The following MCUB variants were observed in gnomAD, a reference collection of about 807,000 sequenced individuals.
MCUB encodes the protein mitochondrial calcium uniporter dominant negative subunit beta.
MCUB carries 46 observed loss-of-function variants against 41.4 expected under a neutral mutation model. The ratio of observed to expected loss-of-function variants is 1.11; its 90% confidence interval spans 0.88 to 1.42. The LOEUF is 1.42. MCUB is among the 40% of genes most tolerant of loss of function. The pLI is 0.00. For missense variants in MCUB, 403 were observed against 404.9 expected (o/e 1.00, Z 0.04); for synonymous variants, 148 against 148.2 (o/e 1.00, Z 0.01).
chr4:109,687,365 A>G (rs1428110624), intron 7 of MCUB, 150 bp from the exon 8 acceptor site: 6 of 549,102 alleles, frequency 1.1e-5, no homozygotes, highest in Admixed American at 3.6e-5. Flanking sequence ...TCTCAAGAAA[A>G]ATATATATAT....
chr4:109,684,290 C>A (rs926291412), intron 5 of MCUB, 153 bp from the exon 6 acceptor site: 1 of 555,072 alleles, frequency 1.8e-6, no homozygotes, highest in East Asian at 3.1e-5. Flanking sequence ...TCTCGATCTC[C>A]TGACCTCGTG....
At chr4:109,579,281 C>G (rs1406176730) in intron 1 of MCUB, among the ~76,000 whole-genome samples, 2 of 150,290 alleles carry the variant, frequency 1.3e-5, no homozygotes, top group African/African-American at 4.9e-5. Context: ...GACGGAGTCT[C>G]GCTCTGTCAC....
chr4:109,585,809 G>T (rs187417057), intron 1 of MCUB, among the ~76,000 whole-genome samples: 2 of 152,316 alleles, frequency 1.3e-5, no homozygotes, highest in Non-Finnish European at 2.9e-5. Flanking sequence ...AGTTTCTGCC[G>T]AGAGATCGGC....
chr4:109,667,093 T>C (rs1438827570), intron 4 of MCUB, among the ~76,000 whole-genome samples: 6 of 152,174 alleles, frequency 3.9e-5, no homozygotes, highest in Non-Finnish European at 2.9e-5. Context: ...AAGGTAATGC[T>C]GGCCTCATAG....
chr4:109,647,542 T>C (rs1349929549), intron 1 of MCUB, among the ~76,000 whole-genome samples: 1 of 152,210 alleles, frequency 6.6e-6, no homozygotes, highest in Non-Finnish European at 1.5e-5. Context: ...TGAATAATAT[T>C]CCATTATTTA....
In MCUB at chr4:109,684,403, T is replaced by C. The variant is rs17040722; in HGVS notation, c.613-40T>C. 1.1e-3 allele frequency: 1,640 copies of C among 1,499,986 alleles called. 11 individuals are homozygous for C. In the African/African-American group the frequency reaches 0.019, roughly 17 times the overall value. 92.9% of individuals were successfully genotyped at this position (1,499,986 alleles called of 1,614,324 possible). Reference sequence around the variant, plus strand: ...TTGCTTTTTGTCCCTTTAGTTGGTGTATTTGTAAACAGAATTAACAGTTTT... The same window carrying C: ...TTGCTTTTTGTCCCTTTAGTTGGTGCATTTGTAAACAGAATTAACAGTTTT... On this transcript the variant is annotated intron_variant, in intron 5 of 7. Transcript: ENST00000394650.
At chr4:109,656,174 C>G (rs1195005493) in intron 1 of MCUB, among the ~76,000 whole-genome samples, 1 of 151,906 alleles carries the variant, frequency 6.6e-6, no homozygotes, top group Non-Finnish European at 1.5e-5. Context: ...TCACCAATGG[C>G]ATTTAGGAAC....
intron 2 of MCUB, among the ~76,000 whole-genome samples, chr4:109,659,645 T>C (rs937346556): frequency 2.0e-5 from 3 of 152,168 alleles, no homozygotes; most frequent in African/African-American, 7.2e-5. Context: ...CTTAAGTGTT[T>C]ACCTGAGAAG....
At chr4:109,577,569 T>C (rs1228475625) in intron 1 of MCUB, among the ~76,000 whole-genome samples, 1 of 152,020 alleles carries the variant, frequency 6.6e-6, no homozygotes, top group Non-Finnish European at 1.5e-5. Flanking sequence ...AACTTGATCG[T>C]TTCATAGCCT....
Position 109,660,293 on chromosome 4 carries a change from A to G in MCUB, c.274A>G (p.Thr92Ala). 1 of 1,607,968 alleles carries G rather than the reference A, an allele frequency of 6.2e-7. No homozygotes were observed. The highest frequency in any genetic ancestry group is 1.3e-5 in the African/African-American group (1 of 74,930). Residue 92 changes from threonine (T) to alanine (A), a missense_variant, in exon 3 of 8, where the codon ACA (threonine) becomes GCA (alanine). Transcript: ENST00000394650. ...CQFVVKPMLS[T>A]VGSFLQDLQN... ...ATTCGTAGTCAAACCAATGTTGTCA[A>G]CAGTTGGTTCATTCCTTCAGGACCT...
intron 6 of MCUB, 58 bp from the exon 7 acceptor site, chr4:109,685,193 A>C: frequency 1.4e-6 from 1 of 737,166 alleles, no homozygotes; most frequent in Non-Finnish European, 2.4e-6. Context: ...TCTTTCTTGC[A>C]GAGGCATTAT....
chr4:109,583,325 A>G (rs1028034981), intron 1 of MCUB, among the ~76,000 whole-genome samples: 1 of 152,062 alleles, frequency 6.6e-6, no homozygotes, highest in East Asian at 1.9e-4. Flanking sequence ...CTTTGAAGCA[A>G]TTGTGAATGG....
At chr4:109,670,015 C>T (rs1729420534) in intron 4 of MCUB, among the ~76,000 whole-genome samples, 7 of 152,202 alleles carry the variant, frequency 4.6e-5, no homozygotes. Context: ...CCATGTCTGG[C>T]TCTCGTTCTG....
At chr4:109,598,032 G>A (rs1383025626) in intron 1 of MCUB, among the ~76,000 whole-genome samples, 15 of 151,572 alleles carry the variant, frequency 9.9e-5, no homozygotes, top group African/African-American at 3.6e-4. Context: ...CTTCCTAGAT[G>A]GGATGGCGGC....
intron 5 of MCUB, among the ~76,000 whole-genome samples, chr4:109,684,112 G>A (rs565598336): frequency 1.4e-5 from 2 of 144,626 alleles, no homozygotes; most frequent in South Asian, 4.2e-4. Flanking sequence ...GCCCAGGCTG[G>A]AGTGCAGTGG....
rs546409268 is a variant in MCUB at position 109,674,065 on chromosome 4, A to G, written c.452-8517A>G. On this transcript the variant is annotated intron_variant, in intron 4 of 7. Coordinates refer to ENST00000394650, the MANE Select transcript of MCUB (RefSeq NM_017918.5). ...AGCCCAAGGCTTTGTTGTAGGAGCA[A>G]TGACTGTTGGTATGGGCTATTCCAT... 54 of 1,422,380 alleles carry G rather than the reference A, an allele frequency of 3.8e-5. No homozygotes were observed. The South Asian group carries it at 5.3e-4, about 14-fold the overall frequency. 88.1% of individuals were successfully genotyped at this position (1,422,380 alleles called of 1,614,324 possible). A position where few individuals can be genotyped will look rare whatever the true frequency, so the allele number is the denominator to read the frequency against.
intron 1 of MCUB, among the ~76,000 whole-genome samples, 159 bp downstream of exon 1, chr4:109,560,595 G>A (rs1340564414): frequency 6.6e-6 from 1 of 152,216 alleles, no homozygotes; most frequent in African/African-American, 2.4e-5. Flanking sequence ...GGTGGTGGCC[G>A]GGCGGCCGAC....
At chr4:109,633,784 A>C (rs1026561086) in intron 1 of MCUB, among the ~76,000 whole-genome samples, 47 of 152,240 alleles carry the variant, frequency 3.1e-4, no homozygotes, top group Admixed American at 1.4e-3. Flanking sequence ...CGCCATGTAG[A>C]TTCTCTTCCT....
At chr4:109,638,088 G>T (rs1728634440) in intron 1 of MCUB, among the ~76,000 whole-genome samples, 1 of 152,178 alleles carries the variant, frequency 6.6e-6, no homozygotes, top group African/African-American at 2.4e-5. Context: ...GGGCCTGGTG[G>T]CTCATGCCTG....
Sources: gnomAD v4.1 joint callset for allele counts (sites outside exome capture counted in the v4.1 genomes callset) on GRCh38, gnomAD v4.1.1 for gene constraint, MANE v1.5 for transcripts, NCBI Gene and HGNC (gene_info 2026-07-23, HGNC 2026-07-21) for gene names.